Variants in RBM18 observed in about 807,000 individuals in gnomAD.
RBM18 encodes the protein probable RNA-binding protein 18.
Under a neutral mutation model 26.4 loss-of-function variants are expected in RBM18, and 18 were observed. That is an observed-to-expected ratio of 0.68 (90% confidence interval 0.47 to 1.01). RBM18 has a LOEUF of 1.01. Ranked by LOEUF, RBM18 falls within the 50% of genes least tolerant of loss-of-function variation. The pLI, the probability that RBM18 is intolerant of heterozygous loss-of-function variation, is 0.00. For missense variants in RBM18, 180 were observed against 219.2 expected, an observed-to-expected ratio of 0.82 and a Z score of 1.13; for synonymous variants, 74 against 81.1, an observed-to-expected ratio of 0.91 and a Z score of 0.47.
At chr9:122,259,649 T>C (rs1182284648) in intron 2 of RBM18, among the ~76,000 whole-genome samples, 1 of 152,198 alleles carries the variant, frequency 6.6e-6, no homozygotes, top group African/African-American at 2.4e-5. Flanking sequence ...TTTTCTTCTC[T>C]TTCCTAATCT....
At chr9:122,242,896 G>A (rs775630190) in intron 5 of RBM18, among the ~76,000 whole-genome samples, 36 of 151,800 alleles carry the variant, frequency 2.4e-4, no homozygotes, top group African/African-American at 7.5e-4. Flanking sequence ...GTGTGATTTC[G>A]GCTCACTGCA....
At chr9:122,243,709 A>G in intron 5 of RBM18, 1 of 985,126 alleles carries the variant, frequency 1.0e-6, no homozygotes, top group Non-Finnish European at 1.2e-6. Context: ...AAATTTAAAA[A>G]CTAAGTTACA....
chr9:122,259,708 T>C (rs1026082537), intron 2 of RBM18, among the ~76,000 whole-genome samples: 1 of 152,162 alleles, frequency 6.6e-6, no homozygotes, highest in African/African-American at 2.4e-5. Flanking sequence ...GAAGCAGGTT[T>C]CCTCATCTCC....
At chr9:122,255,084 G>T (rs757787525) in intron 2 of RBM18, among the ~76,000 whole-genome samples, 1 of 152,136 alleles carries the variant, frequency 6.6e-6, no homozygotes, top group African/African-American at 2.4e-5. Context: ...TTTTAATTTC[G>T]GGTTGTAGGC....
chr9:122,248,234 T>C (rs761347731), intron 3 of RBM18, among the ~76,000 whole-genome samples: 2 of 152,212 alleles, frequency 1.3e-5, no homozygotes, highest in Non-Finnish European at 2.9e-5. Flanking sequence ...ATAGATAATA[T>C]GGATACTTAT....
Position 122,248,340 on chromosome 9 carries a change from T to C in RBM18, c.241-736A>G, listed in dbSNP as rs143603099. 6.3e-4 allele frequency among the ~76,000 whole-genome samples: 96 copies of C among 152,316 alleles called. 1 individual carries two copies. Among genetic ancestry groups the C allele is most frequent in the African/African-American group, 2.1e-3 (88 of 41,574 alleles). On this transcript the variant is annotated intron_variant, in intron 3 of 5. Coordinates refer to ENST00000417201, the MANE Select transcript of RBM18 (RefSeq NM_033117.4). Reference sequence around the variant, plus strand: ...TAATAGTGCTGTTCCTATTAGGTGATAGACATATATGCACTTCCGTTAGGT... The same window carrying C: ...TAATAGTGCTGTTCCTATTAGGTGACAGACATATATGCACTTCCGTTAGGT...
chr9:122,250,115 C>T (rs1831576405), intron 3 of RBM18, among the ~76,000 whole-genome samples: 1 of 145,478 alleles, frequency 6.9e-6, no homozygotes, highest in Non-Finnish European at 1.5e-5. Flanking sequence ...TGCATTATTT[C>T]ACTTCCCTCA....
rs531802433 is a variant in RBM18 at position 122,262,837 on chromosome 9, G to A, written c.-16-1329C>T. 4.6e-5 allele frequency among the ~76,000 whole-genome samples: 7 copies of A among 152,154 alleles called. 1 individual carries two copies. The highest frequency in any genetic ancestry group is 3.4e-3 in the Middle Eastern group (1 of 294). On this transcript the variant is annotated intron_variant, in intron 1 of 5. Transcript: ENST00000417201. ...TGACCCCAAGTGATCCATCCACGTCGGCCTCTCAAAGTGCTGGGATTACAG... is the reference window on the plus strand; with the variant it reads ...TGACCCCAAGTGATCCATCCACGTCAGCCTCTCAAAGTGCTGGGATTACAG...
chr9:122,254,168 T>C (rs530232636), intron 2 of RBM18: 85 of 166,766 alleles, frequency 5.1e-4, no homozygotes, highest in South Asian at 2.0e-3. Flanking sequence ...GATTGGCATT[T>C]CCTAAGAAAT....
rs1564452751 is a variant in RBM18, at chr9:122,239,077, CCTG to C, written c.*2804_*2806del. ...TTTAATTTATAAGGCAAGAATTACTCCTGTTCTTTTATGTAGTAGTATAAAAGA... is the reference window on the plus strand; with the variant it reads ...TTTAATTTATAAGGCAAGAATTACTCTTCTTTTATGTAGTAGTATAAAAGA... On this transcript the variant is annotated 3_prime_UTR_variant, in exon 6 of 6. Transcript: ENST00000417201. The C allele has an allele frequency of 6.6e-6, 1 of 152,144 alleles. No homozygotes were observed. Among genetic ancestry groups the C allele is most frequent in the East Asian group, 1.9e-4 (1 of 5,196 alleles). 9.4% of individuals were successfully genotyped at this position (152,144 alleles called of 1,614,324 possible).
Position 122,237,993 on chromosome 9 carries a change from C to T in RBM18, c.*3891G>A, listed in dbSNP as rs1236638406. ...AAAAAAATCATTCTTAACTTGTAGG[C>T]TATACAAAATTAGGAGGCAGAGGCC... On this transcript the variant is annotated 3_prime_UTR_variant, in exon 6 of 6. Coordinates refer to ENST00000417201, the MANE Select transcript of RBM18 (RefSeq NM_033117.4). The T allele has an allele frequency of 6.6e-6, 1 of 152,112 alleles. No individual in the cohort carries two copies. Among genetic ancestry groups the T allele is most frequent in the East Asian group, 1.9e-4 (1 of 5,198 alleles). The allele number at this position is 152,112 out of a possible 1,614,324, so 9.4% of individuals were successfully genotyped here.
intron 3 of RBM18, 74 bp downstream of exon 3, chr9:122,251,773 T>C (rs1831609292): frequency 2.8e-6 from 4 of 1,421,022 alleles, no homozygotes; most frequent in African/African-American, 1.4e-5. Context: ...GCTATTCTAG[T>C]AGGCAAGAGA....
chr9:122,249,829 G>A (rs1382225495), intron 3 of RBM18, among the ~76,000 whole-genome samples: 1 of 151,884 alleles, frequency 6.6e-6, no homozygotes. Flanking sequence ...CCAGCACTCT[G>A]GGAGGCAGAG....
At chr9:122,244,056 G>A (rs974205578) in intron 5 of RBM18, among the ~76,000 whole-genome samples, 2 of 151,948 alleles carry the variant, frequency 1.3e-5, no homozygotes, top group Non-Finnish European at 2.9e-5. Context: ...TGATCAAGGA[G>A]GTTCAAATCT....
At chr9:122,254,531 A>C (rs540238004) in intron 2 of RBM18, among the ~76,000 whole-genome samples, 1 of 152,282 alleles carries the variant, frequency 6.6e-6, no homozygotes, top group South Asian at 2.1e-4. Flanking sequence ...GGCTTGCTTC[A>C]CTTAATGAAA....
At chr9:122,242,473 C>T (rs904539466) in intron 5 of RBM18, among the ~76,000 whole-genome samples, 2 of 152,136 alleles carry the variant, frequency 1.3e-5, no homozygotes, top group East Asian at 1.9e-4. Flanking sequence ...AGCAAGTAAA[C>T]GATAGAGCAG....
rs1260634626 is a variant in RBM18, at chr9:122,241,790, T to C, written c.*94A>G. 3 of 1,045,900 alleles carry C rather than the reference T, an allele frequency of 2.9e-6. No homozygotes were observed. The highest frequency in any genetic ancestry group is 4.8e-5 in the East Asian group (2 of 41,490). The allele number at this position is 1,045,900 out of a possible 1,614,324, so 64.8% of individuals were successfully genotyped here. A position where few individuals can be genotyped will look rare whatever the true frequency, so the allele number is the denominator to read the frequency against. The stretch of plus-strand genomic sequence containing the variant: ...AATGCTAACATGTGATTGTGCTCCG[T>C]TGAATAGTACCATTCACATCTACAA... On this transcript the variant is annotated 3_prime_UTR_variant, in exon 6 of 6. Transcript: ENST00000417201.
Position 122,263,602 on chromosome 9 carries a change from TA to T in RBM18, c.-17+1112del, listed in dbSNP as rs368731648. ...CAGGACAAAACAAAAGCAAAATAAA[TA>T]AAGAAGATATAATTAGTGATACATG... On this transcript the variant is annotated intron_variant, in intron 1 of 5. Coordinates refer to ENST00000417201, the MANE Select transcript of RBM18 (RefSeq NM_033117.4). Among the ~76,000 whole-genome samples the T allele has an allele frequency of 5.7e-3, 870 of 152,010 alleles. 6 individuals carry two copies. The highest frequency in any genetic ancestry group is 0.021 in the African/African-American group (851 of 41,446).
At position 122,241,878 on chromosome 9, in the gene RBM18, C is replaced by A. The variant is rs772800138; in HGVS notation, c.*6G>T. On this transcript the variant is annotated 3_prime_UTR_variant, in exon 6 of 6. Transcript: ENST00000417201. ...TTGCTTTTGCTGCTACAGTAATTCA[C>A]AACCATCATCTTCGAGATTTCCATG... 2.5e-6 allele frequency: 4 copies of A among 1,610,946 alleles called. No individual in the cohort carries two copies. The highest frequency in any genetic ancestry group is 1.1e-5 in the South Asian group (1 of 90,360).
Sources: gnomAD v4.1 joint callset for allele counts (sites outside exome capture counted in the v4.1 genomes callset) on GRCh38, gnomAD v4.1.1 for gene constraint, MANE v1.5 for transcripts, NCBI Gene and HGNC (gene_info 2026-07-23, HGNC 2026-07-21) for gene names.